MMD: variants seen among roughly 807,000 people sequenced by gnomAD.
The protein encoded by MMD is monocyte to macrophage differentiation associated.
A neutral mutation model predicts 33.6 loss-of-function variants in MMD; 22 were observed. That is an observed-to-expected ratio of 0.66 (90% CI 0.47 to 0.94). MMD has a LOEUF of 0.94. Among genes scored for constraint, MMD ranks in the 40% least tolerant of loss-of-function variants. MMD has a pLI of 0.00. For synonymous variants in MMD, 97 were observed against 103.2 expected (o/e 0.94, Z 0.36); for missense variants, 242 against 309.8 (o/e 0.78, Z 1.64).
chr17:55,400,300 C>T (rs1299962627), intron 6 of MMD, among the ~76,000 whole-genome samples: 2 of 152,148 alleles, frequency 1.3e-5, no homozygotes, highest in Non-Finnish European at 2.9e-5. Context: ...ATAATCTCAG[C>T]ACTTTGGGAG....
chr17:55,412,463 T>C (rs1373750731), intron 2 of MMD, among the ~76,000 whole-genome samples: 1 of 152,238 alleles, frequency 6.6e-6, no homozygotes, highest in Non-Finnish European at 1.5e-5. Context: ...TCACAAACTT[T>C]AATGTCTAGT....
At chr17:55,408,114 ATCTG>A (rs1315003806) in intron 3 of MMD, among the ~76,000 whole-genome samples, 3 of 152,204 alleles carry the variant, frequency 2.0e-5, no homozygotes, top group African/African-American at 7.2e-5. Context: ...AACAAACAAA[ATCTG>A]TCTTTTTCTG....
chr17:55,416,607 C>T (rs1907976659), intron 1 of MMD, among the ~76,000 whole-genome samples: 1 of 152,162 alleles, frequency 6.6e-6, no homozygotes, highest in African/African-American at 2.4e-5. Context: ...TGCCAGGGTG[C>T]AATCAAGCCT....
chr17:55,413,290 A>G (rs1907833232), intron 2 of MMD, among the ~76,000 whole-genome samples: 1 of 152,240 alleles, frequency 6.6e-6, no homozygotes, highest in Non-Finnish European at 1.5e-5. Flanking sequence ...TCTTGTTTTC[A>G]GACTGTATCC....
At chr17:55,399,540 G>T (rs1044936469) in intron 6 of MMD, among the ~76,000 whole-genome samples, 3 of 152,156 alleles carry the variant, frequency 2.0e-5, no homozygotes, top group Non-Finnish European at 2.9e-5. Flanking sequence ...CTCCAAAGAT[G>T]CTGGTGCTTC....
intron 1 of MMD, among the ~76,000 whole-genome samples, chr17:55,415,244 G>T (rs1907922372): frequency 6.7e-6 from 1 of 149,576 alleles, no homozygotes; most frequent in Non-Finnish European, 1.5e-5. Context: ...AATAAAAGAA[G>T]AAAGAGGTAG....
At position 55,421,792 on chromosome 17, in the gene MMD, G is replaced by A; in HGVS notation, c.-97C>T. On this transcript the variant is annotated 5_prime_UTR_variant, in exon 1 of 7. Transcript: ENST00000262065. Reference sequence around the variant, plus strand: ...ATGGGCTTGGGCTGCTCCGGAGGCCGCCTGCGTGTCCAGCGGAACCCTTCG... The same window carrying A: ...ATGGGCTTGGGCTGCTCCGGAGGCCACCTGCGTGTCCAGCGGAACCCTTCG... The A allele has an allele frequency of 7.3e-7, 1 of 1,364,118 alleles. No homozygotes were observed. The highest frequency in any genetic ancestry group is 1.4e-5 in the South Asian group (1 of 70,206). 84.5% of individuals were successfully genotyped at this position (1,364,118 alleles called of 1,614,324 possible).
At chr17:55,410,766 A>G (rs149549502) in intron 3 of MMD, among the ~76,000 whole-genome samples, 94 of 152,266 alleles carry the variant, frequency 6.2e-4, no homozygotes, top group African/African-American at 2.1e-3. Flanking sequence ...TCATTCACCT[A>G]TCACACTGAC....
At chr17:55,400,254 T>C (rs1232936812) in intron 6 of MMD, among the ~76,000 whole-genome samples, 1 of 152,170 alleles carries the variant, frequency 6.6e-6, no homozygotes, top group African/African-American at 2.4e-5. Context: ...TATCACAGAA[T>C]TATGTTCTTA....
chr17:55,407,469 G>T (rs567551405), intron 4 of MMD, among the ~76,000 whole-genome samples: 43 of 152,250 alleles, frequency 2.8e-4, no homozygotes, highest in African/African-American at 9.6e-4. Context: ...CAGATTTCAA[G>T]AGTGAGCAAG....
chr17:55,403,713 T>C (rs1426518968), intron 5 of MMD, 54 bp downstream of exon 5: 2 of 1,321,100 alleles, frequency 1.5e-6, no homozygotes, highest in African/African-American at 2.9e-5. Flanking sequence ...GCAGTGCAGA[T>C]AATATTTAGG....
At chr17:55,414,869 C>T (rs890341885) in intron 1 of MMD, among the ~76,000 whole-genome samples, 3 of 152,120 alleles carry the variant, frequency 2.0e-5, no homozygotes, top group African/African-American at 7.2e-5. Context: ...TTTGTTCTTC[C>T]TGAAATCAAA....
In MMD at chr17:55,394,207, T is replaced by C. The variant is rs1284309883; in HGVS notation, c.*127A>G. ...CACAGCCTTTATACTTTCACAGTAATTATATTCAAAAGATATAAAGTCAGT... is the reference window on the plus strand; with the variant it reads ...CACAGCCTTTATACTTTCACAGTAACTATATTCAAAAGATATAAAGTCAGT... On this transcript the variant is annotated 3_prime_UTR_variant, in exon 7 of 7. Coordinates refer to ENST00000262065, the MANE Select transcript of MMD (RefSeq NM_012329.3). 4.3e-6 allele frequency: 3 copies of C among 697,348 alleles called. No individual in the cohort carries two copies. Among genetic ancestry groups the C allele is most frequent in the Non-Finnish European group, 4.3e-6 (2 of 464,402 alleles). The allele number at this position is 697,348 out of a possible 1,614,324, so 43.2% of individuals were successfully genotyped here.
At position 55,421,780 on chromosome 17, in the gene MMD, G is replaced by C. The variant is rs1288201463; in HGVS notation, c.-85C>G. On this transcript the variant is annotated 5_prime_UTR_variant, in exon 1 of 7. Coordinates refer to ENST00000262065, the MANE Select transcript of MMD (RefSeq NM_012329.3). ...CGCGCGGCCCTCATGGGCTTGGGCTGCTCCGGAGGCCGCCTGCGTGTCCAG... is the reference window on the plus strand; with the variant it reads ...CGCGCGGCCCTCATGGGCTTGGGCTCCTCCGGAGGCCGCCTGCGTGTCCAG... The C allele has an allele frequency of 7.7e-6, 11 of 1,434,486 alleles. No individual in the cohort carries two copies. In the Admixed American group the frequency reaches 2.8e-4, roughly 37 times the overall value. 88.9% of individuals were successfully genotyped at this position (1,434,486 alleles called of 1,614,324 possible).
chr17:55,402,678 C>T (rs73993239), intron 5 of MMD, among the ~76,000 whole-genome samples: 2,697 of 152,010 alleles, frequency 0.018, 76 homozygotes, highest in African/African-American at 0.061. Flanking sequence ...ACCAGAAGGC[C>T]GGGAAAAGGA....
intron 3 of MMD, among the ~76,000 whole-genome samples, chr17:55,410,549 T>C (rs1907720951): frequency 1.3e-5 from 2 of 152,200 alleles, no homozygotes; most frequent in Non-Finnish European, 2.9e-5. Context: ...GTTCTTCTCA[T>C]TGGCAGGCCA....
intron 1 of MMD, among the ~76,000 whole-genome samples, chr17:55,415,052 C>T (rs1277831095): frequency 2.0e-5 from 3 of 152,102 alleles, no homozygotes; most frequent in African/African-American, 4.8e-5. Flanking sequence ...ATCAGTAGTA[C>T]AGAGAAAAGC....
intron 6 of MMD, among the ~76,000 whole-genome samples, chr17:55,398,874 G>A (rs1050662388): frequency 6.6e-6 from 1 of 152,168 alleles, no homozygotes; most frequent in Non-Finnish European, 1.5e-5. Flanking sequence ...ACTGGGAACT[G>A]TCCGGAATTT....
rs763435658 is a variant in MMD, at chr17:55,401,464, C to T, written c.516+5G>A. 6 of 1,602,222 alleles carry T rather than the reference C, an allele frequency of 3.7e-6. No individual in the cohort carries two copies. The East Asian group carries it at 1.1e-4, about 30-fold the overall frequency. On this transcript the variant is annotated splice_donor_5th_base_variant and intron_variant, in intron 6 of 6. Coordinates refer to ENST00000262065, the MANE Select transcript of MMD (RefSeq NM_012329.3). ...AATAACTAAAATTCTGAAGCCATGT[C>T]TTACCATTGATGTCACCACCAAGGC...
Sources: gnomAD v4.1 joint callset for allele counts (sites outside exome capture counted in the v4.1 genomes callset) on GRCh38, gnomAD v4.1.1 for gene constraint, MANE v1.5 for transcripts, NCBI Gene and HGNC (gene_info 2026-07-23, HGNC 2026-07-21) for gene names.